The following TET1 variants were observed in gnomAD, a reference collection of about 807,000 sequenced individuals.
The protein encoded by TET1 is tet methylcytosine dioxygenase 1, also known as methylcytosine dioxygenase TET1.
A neutral mutation model predicts 148.7 loss-of-function variants in TET1; 13 were observed. That is an observed-to-expected ratio of 0.09 (90% CI 0.06 to 0.14). TET1 has a LOEUF of 0.14. TET1 is among the 10% of genes least tolerant of loss of function. The pLI, the probability that TET1 is intolerant of heterozygous loss-of-function variation, is 1.00. For synonymous variants in TET1, 907 were observed against 937.2 expected, an observed-to-expected ratio of 0.97 and a Z score of 0.59; for missense variants, 2,182 against 2,553.8, an observed-to-expected ratio of 0.85 and a Z score of 3.14.
At chr10:68,670,266 TTTAG>T (rs1453573267) in intron 7 of TET1, among the ~76,000 whole-genome samples, 10 of 152,332 alleles carry the variant, frequency 6.6e-5, no homozygotes, top group African/African-American at 9.6e-5. Context: ...ATTGAATGCA[TTTAG>T]TTATTTTGTC....
At chr10:68,670,431 A>G (rs969914956) in intron 7 of TET1, among the ~76,000 whole-genome samples, 1 of 152,256 alleles carries the variant, frequency 6.6e-6, no homozygotes, top group Admixed American at 6.5e-5. Context: ...AATACAACCT[A>G]TAGCCAAAGA....
Position 68,644,690 on chromosome 10 carries a change from T to C in TET1, c.1969-8T>C, listed in dbSNP as rs2054812213. On this transcript the variant is annotated splice_polypyrimidine_tract_variant and splice_region_variant and intron_variant, in intron 3 of 11. Transcript: ENST00000373644. ...GTAGATGACATAAGTAATTTCTGTA[T>C]TTTACAGGCAGATTTTGACAACAAA... 6.5e-7 allele frequency: 1 copy of C among 1,545,020 alleles called. No homozygotes were observed. Among genetic ancestry groups the C allele is most frequent in the African/African-American group, 1.4e-5 (1 of 72,124 alleles).
intron 4 of TET1, among the ~76,000 whole-genome samples, chr10:68,650,469 T>C (rs370834293): frequency 2.0e-5 from 3 of 151,904 alleles, no homozygotes; most frequent in African/African-American, 7.2e-5. Context: ...ATGGTGAAGC[T>C]AAAAGTACAA....
intron 3 of TET1, among the ~76,000 whole-genome samples, chr10:68,603,811 C>T (rs1391459121): frequency 6.6e-6 from 1 of 152,130 alleles, no homozygotes; most frequent in Non-Finnish European, 1.5e-5. Context: ...CATATTTATA[C>T]CATATTCATT....
At chr10:68,689,794 CT>C (rs2055565758) in intron 11 of TET1, among the ~76,000 whole-genome samples, 1 of 149,546 alleles carries the variant, frequency 6.7e-6, no homozygotes, top group South Asian at 2.1e-4. Flanking sequence ...AAAAAAAGAA[CT>C]TCATAACAGG....
At chr10:68,624,409 C>G (rs900951193) in intron 3 of TET1, among the ~76,000 whole-genome samples, 15 of 152,090 alleles carry the variant, frequency 9.9e-5, no homozygotes, top group African/African-American at 3.6e-4. Flanking sequence ...CCTGCCTCAG[C>G]CTTCCGAGTA....
chr10:68,665,061 G>T (rs1307162892), intron 6 of TET1, among the ~76,000 whole-genome samples: 1 of 151,924 alleles, frequency 6.6e-6, no homozygotes. Context: ...TGTGAGCTGC[G>T]GCACCCAGCC....
In TET1 at chr10:68,585,567, C is replaced by T. The variant is rs564504990; in HGVS notation, c.1914+11315C>T. On this transcript the variant is annotated intron_variant, in intron 2 of 11. Coordinates refer to ENST00000373644, the MANE Select transcript of TET1 (RefSeq NM_030625.3). ...TGGGTAGGCTTCAATGGTCTGTGAT[C>T]CCACCCCCTCAGAATTATATGCAGC... Among the ~76,000 whole-genome samples, 7 of 152,222 alleles carry T rather than the reference C, an allele frequency of 4.6e-5. No homozygotes were observed. In the South Asian group the frequency reaches 1.5e-3, roughly 32 times the overall value.
At chr10:68,623,249 T>TA (rs1422243629) in intron 3 of TET1, among the ~76,000 whole-genome samples, 1 of 152,154 alleles carries the variant, frequency 6.6e-6, no homozygotes, top group Non-Finnish European at 1.5e-5. Context: ...AATTCTACTG[T>TA]AAAAAAAGTG....
At chr10:68,666,376 G>T (rs1000922161) in intron 6 of TET1, among the ~76,000 whole-genome samples, 4 of 152,052 alleles carry the variant, frequency 2.6e-5, no homozygotes, top group Non-Finnish European at 4.4e-5. Flanking sequence ...ATTAATTCTC[G>T]ATAGTAAAAT....
At chr10:68,576,487 A>G (rs2053732933) in intron 2 of TET1, among the ~76,000 whole-genome samples, 1 of 152,076 alleles carries the variant, frequency 6.6e-6, no homozygotes, top group African/African-American at 2.4e-5. Context: ...ACATAGCAAG[A>G]CCTCATCTCT....
At chr10:68,567,456 G>A (rs752333385) in intron 1 of TET1, among the ~76,000 whole-genome samples, 3 of 151,804 alleles carry the variant, frequency 2.0e-5, no homozygotes, top group African/African-American at 7.3e-5. Context: ...CACCACGCCC[G>A]GCTAATTTTG....
chr10:68,563,387 T>TA (rs1425251781), intron 1 of TET1, among the ~76,000 whole-genome samples: 1 of 152,236 alleles, frequency 6.6e-6, no homozygotes, highest in Non-Finnish European at 1.5e-5. Context: ...CTGCCTTTTT[T>TA]AAAAAATGTT....
intron 3 of TET1, among the ~76,000 whole-genome samples, chr10:68,626,790 G>A (rs2054489740): frequency 6.6e-6 from 1 of 151,998 alleles, no homozygotes; most frequent in Non-Finnish European, 1.5e-5. Flanking sequence ...GACCTCAAGT[G>A]ATCTGCCCTC....
At chr10:68,619,255 G>T (rs1222311444) in intron 3 of TET1, among the ~76,000 whole-genome samples, 1 of 151,918 alleles carries the variant, frequency 6.6e-6, no homozygotes, top group Non-Finnish European at 1.5e-5. Flanking sequence ...TTTTGAGCCA[G>T]AGTCTCTATC....
intron 2 of TET1, among the ~76,000 whole-genome samples, chr10:68,596,248 C>T (rs946530904): frequency 2.0e-5 from 3 of 151,282 alleles, no homozygotes; most frequent in Non-Finnish European, 2.9e-5. Flanking sequence ...TTACAAATGT[C>T]TTTTGTTAGA....
chr10:68,581,803 C>T (rs929498790), intron 2 of TET1, among the ~76,000 whole-genome samples: 1 of 150,542 alleles, frequency 6.6e-6, no homozygotes, highest in African/African-American at 2.4e-5. Context: ...TTAGATCACA[C>T]TACAGCCTGG....
intron 3 of TET1, among the ~76,000 whole-genome samples, chr10:68,606,606 C>CAAAA (rs56765031): frequency 7.1e-6 from 1 of 140,418 alleles, no homozygotes; most frequent in African/African-American, 2.5e-5. Flanking sequence ...AAAACAAAAA[C>CAAAA]AAAAAAAAAA....
intron 10 of TET1, among the ~76,000 whole-genome samples, chr10:68,684,760 T>A (rs2133230531): frequency 1.3e-5 from 2 of 152,258 alleles, no homozygotes; most frequent in Middle Eastern, 6.8e-3. Flanking sequence ...ATTTCTATTT[T>A]TTTTATTTTT....
Sources: gnomAD v4.1 joint callset for allele counts (sites outside exome capture counted in the v4.1 genomes callset) on GRCh38, gnomAD v4.1.1 for gene constraint, MANE v1.5 for transcripts, NCBI Gene and HGNC (gene_info 2026-07-23, HGNC 2026-07-21) for gene names.